GRM5: variants seen among roughly 807,000 people sequenced by gnomAD.
The protein encoded by GRM5 is glutamate metabotropic receptor 5.
A neutral mutation model predicts 83.1 loss-of-function variants in GRM5; 19 were observed. The ratio of observed to expected loss-of-function variants is 0.23; its 90% confidence interval spans 0.16 to 0.34. The LOEUF is 0.34. Among genes scored for constraint, GRM5 ranks in the 10% least tolerant of loss-of-function variants. GRM5 has a pLI of 1.00. For missense variants in GRM5, 1,160 were observed against 1,588.3 expected (o/e 0.73, Z 4.58); for synonymous variants, 675 against 633.6 (o/e 1.07, Z -0.98).
chr11:89,034,112 A>T (rs1591065179), intron 2 of GRM5, among the ~76,000 whole-genome samples: 1 of 151,636 alleles, frequency 6.6e-6, no homozygotes. Context: ...AGAATATCTT[A>T]ATTACTTATT....
At chr11:88,864,248 A>G (rs1760503900) in intron 2 of GRM5, among the ~76,000 whole-genome samples, 1 of 151,160 alleles carries the variant, frequency 6.6e-6, no homozygotes, top group Non-Finnish European at 1.5e-5. Flanking sequence ...TTGATACATA[A>G]AGAGGTGCAA....
rs1941267401 is a variant in GRM5, at chr11:88,508,932, G to C, written c.3299C>G (p.Pro1100Arg). 1.2e-6 allele frequency: 2 copies of C among 1,600,308 alleles called. No individual in the cohort carries two copies. The highest frequency in any genetic ancestry group is 1.7e-6 in the Non-Finnish European group (2 of 1,173,924). Residue 1100 changes from proline (P) to arginine (R), a missense_variant, in exon 10 of 10, where the codon CCC (proline) becomes CGC (arginine). Pro to Arg is a moderately radical substitution (Grantham distance 103). Coordinates refer to ENST00000305447, the MANE Select transcript of GRM5 (RefSeq NM_001143831.3). The surrounding 1 kb of genome is among the most constrained non-coding windows in gnomAD (Gnocchi z 4.2). ...GAPLCSSYLI[P>R]KEIQLPTTMT... ...GGTCGTGGGCAACTGGATCTCTTTG[G>C]GGATCAGGTAGGACGAGCAGAGCGG... is the stretch of plus-strand genomic sequence containing the variant.
chr11:88,576,095 G>A (rs7931809), intron 7 of GRM5, among the ~76,000 whole-genome samples: 76,766 of 152,008 alleles, frequency 0.51, 22,829 homozygotes, highest in African/African-American at 0.84. Flanking sequence ...ACTGCACATG[G>A]ATAAGAGTGG....
chr11:88,955,290 TAG>T, intron 2 of GRM5, among the ~76,000 whole-genome samples: 1 of 152,254 alleles, frequency 6.6e-6, no homozygotes, highest in Non-Finnish European at 1.5e-5. Flanking sequence ...GCTTATGTTT[TAG>T]AGTCATACAT....
rs1590991689 is a variant in GRM5, at chr11:88,952,131, C to G, written c.661+95081G>C. Among the ~76,000 whole-genome samples, 3 of 150,508 alleles carry G rather than the reference C, an allele frequency of 2.0e-5. No homozygotes were observed. The South Asian group carries it at 6.3e-4, about 31-fold the overall frequency. ...CCATGTGCACATACAAACAAACACA[C>G]ACACACACACACACATTGCTATAAT... On this transcript the variant is annotated intron_variant, in intron 2 of 9. Coordinates refer to ENST00000305447, the MANE Select transcript of GRM5 (RefSeq NM_001143831.3).
intron 7 of GRM5, among the ~76,000 whole-genome samples, chr11:88,578,296 A>G (rs1245446458): frequency 1.3e-5 from 2 of 152,150 alleles, no homozygotes; most frequent in African/African-American, 4.8e-5. Context: ...TTTGTGAAGC[A>G]TTTTCCAAGT....
At chr11:88,965,604 G>A (rs1938930641) in intron 2 of GRM5, among the ~76,000 whole-genome samples, 1 of 152,046 alleles carries the variant, frequency 6.6e-6, no homozygotes, top group Admixed American at 6.6e-5. Flanking sequence ...AGGAAAGCTG[G>A]AGTAGCAATA....
At position 88,567,187 on chromosome 11, in the gene GRM5, G is replaced by A. The variant is rs1415000435; in HGVS notation, c.2496C>T (p.Asn832=). 1.2e-5 allele frequency: 20 copies of A among 1,614,026 alleles called. No homozygotes were observed. Among genetic ancestry groups the A allele is most frequent in the East Asian group, 6.7e-5 (3 of 44,854 alleles). Residue 832 remains asparagine (N), a synonymous_variant, in exon 8 of 10, where the codon AAC becomes AAT. Transcript: ENST00000305447. The surrounding 1 kb of genome is among the most constrained non-coding windows in gnomAD (Gnocchi z 7.3). ...TAGATGTGGTGAAGGCGCTGCGCAC[G>A]TTTCTCTCTGGTTTGGCCAGGATGA... ...VYIILAKPER[N]VRSAFTTSTV... is the part of the protein sequence containing the mutation.
intron 2 of GRM5, among the ~76,000 whole-genome samples, chr11:88,939,708 C>T (rs34032543): frequency 1.3e-5 from 2 of 151,294 alleles, no homozygotes; most frequent in African/African-American, 4.9e-5. Context: ...GCGTGTTTGG[C>T]GAAACAATAT....
At chr11:88,974,388 G>C (rs1344979426) in intron 2 of GRM5, among the ~76,000 whole-genome samples, 1 of 151,124 alleles carries the variant, frequency 6.6e-6, no homozygotes, top group Non-Finnish European at 1.5e-5. Flanking sequence ...TAGATAGATA[G>C]ATAGATAGAT....
At chr11:88,878,059 A>G (rs1300938593) in intron 2 of GRM5, among the ~76,000 whole-genome samples, 1 of 152,140 alleles carries the variant, frequency 6.6e-6, no homozygotes, top group Non-Finnish European at 1.5e-5. Context: ...CATATGACTC[A>G]GCAATCTTAT....
intron 9 of GRM5, among the ~76,000 whole-genome samples, chr11:88,509,883 G>C (rs904780176): frequency 2.6e-5 from 4 of 152,156 alleles, no homozygotes; most frequent in African/African-American, 9.7e-5. Flanking sequence ...GCCTGGTACA[G>C]GACAGGGGCT....
At chr11:89,043,573 A>AT (rs369706887) in intron 2 of GRM5, among the ~76,000 whole-genome samples, 12,614 of 139,930 alleles carry the variant, frequency 0.09, 790 homozygotes, top group African/African-American at 0.2. Context: ...AATGCATGTT[A>AT]TTTTTTTTTT....
intron 2 of GRM5, among the ~76,000 whole-genome samples, chr11:88,988,789 C>A (rs1261069924): frequency 2.7e-5 from 4 of 146,922 alleles, no homozygotes; most frequent in Admixed American, 1.4e-4. Flanking sequence ...GAAATAAAAT[C>A]CTTTACAGAC....
intron 3 of GRM5, among the ~76,000 whole-genome samples, chr11:88,748,709 AC>A (rs34583222): frequency 2.0e-5 from 3 of 151,444 alleles, no homozygotes; most frequent in African/African-American, 4.9e-5. Context: ...ACAGGTCAGT[AC>A]CCCCCCAGGA....
intron 2 of GRM5, among the ~76,000 whole-genome samples, chr11:88,893,884 TAAG>T (rs1282036147): frequency 1.2e-4 from 18 of 152,098 alleles, no homozygotes; most frequent in African/African-American, 4.3e-4. Flanking sequence ...ATAGAGGAGT[TAAG>T]AAGAAATCAC....
chr11:88,572,576 T>G (rs1443440871), intron 7 of GRM5, among the ~76,000 whole-genome samples: 1 of 152,194 alleles, frequency 6.6e-6, no homozygotes, highest in Admixed American at 6.5e-5. Flanking sequence ...AGGGATATTA[T>G]ACTTTCTAAC....
intron 3 of GRM5, among the ~76,000 whole-genome samples, chr11:88,833,108 C>G (rs910099815): frequency 6.6e-6 from 1 of 151,948 alleles, no homozygotes; most frequent in African/African-American, 2.4e-5. Flanking sequence ...CAAAAATAAA[C>G]AAATGGGATT....
In GRM5 at chr11:89,047,508, T is replaced by A; in HGVS notation, c.365A>T (p.Glu122Val). The change falls in exon 2 of 10, where the codon GAG becomes GTG. Residue 122 changes from glutamate (E) to valine (V), a missense_variant. Glu to Val is a moderately radical substitution (Grantham distance 121). Transcript: ENST00000305447. The surrounding 1 kb of genome is among the most constrained non-coding windows in gnomAD (Gnocchi z 5.1). ...FIRDSLISSEEEEGLVRCVDG... is the reference protein window; with the variant it reads ...FIRDSLISSEVEEGLVRCVDG... The stretch of plus-strand genomic sequence containing the variant: ...CACACAGCGTACCAAGCCTTCTTCC[T>A]CTTCTGAAGAAATGAGGGAATCTCT... 4 of 1,614,134 alleles carry A rather than the reference T, an allele frequency of 2.5e-6. No homozygotes were observed. The East Asian group carries it at 6.7e-5, about 27-fold the overall frequency.
Sources: allele counts gnomAD v4.1 joint callset (sites outside exome capture counted in the v4.1 genomes callset), GRCh38; gene constraint gnomAD v4.1.1; non-coding constraint Gnocchi (gnomAD v3.1); transcripts MANE v1.5; gene names NCBI Gene and HGNC (gene_info 2026-07-23, HGNC 2026-07-21).